DAB1: variants seen among roughly 807,000 people sequenced by gnomAD.
The protein encoded by DAB1 is disabled homolog 1.
In DAB1, 15 loss-of-function variants were observed where a neutral mutation model predicts 64.6. That is an observed-to-expected ratio of 0.23 (90% CI 0.16 to 0.36). The LOEUF is 0.36. DAB1 is among the 10% of genes least tolerant of loss of function. DAB1 has a pLI of 1.00. For synonymous variants in DAB1, 235 were observed against 251.9 expected (o/e 0.93, Z 0.64); for missense variants, 596 against 706.7 (o/e 0.84, Z 1.78).
At chr1:57,813,883 G>C (rs1557495277) in intron 6 of DAB1, among the ~76,000 whole-genome samples, 2 of 152,152 alleles carry the variant, frequency 1.3e-5, no homozygotes, top group Non-Finnish European at 2.9e-5. Flanking sequence ...CCACAACTTA[G>C]AAAAATGAAA....
chr1:58,218,329 T>G (rs1205074772), intron 4 of DAB1, among the ~76,000 whole-genome samples: 4 of 152,164 alleles, frequency 2.6e-5, no homozygotes, highest in Non-Finnish European at 2.9e-5. Flanking sequence ...GTAGGACACC[T>G]TGTGCTCTAA....
At chr1:58,102,199 C>T (rs567349215) in intron 5 of DAB1, among the ~76,000 whole-genome samples, 1 of 152,336 alleles carries the variant, frequency 6.6e-6, no homozygotes, top group South Asian at 2.1e-4. Flanking sequence ...GGCTCCAAGG[C>T]CCTCGCTTTT....
chr1:57,878,546 T>C (rs931062768), intron 1 of DAB1: 4 of 152,176 alleles, frequency 2.6e-5, no homozygotes, highest in Admixed American at 2.0e-4. Flanking sequence ...CTTTTTAAAA[T>C]TATTTTGGAT....
At chr1:58,317,368 G>A (rs1177454116) in intron 4 of DAB1, among the ~76,000 whole-genome samples, 2 of 152,230 alleles carry the variant, frequency 1.3e-5, no homozygotes, top group Admixed American at 6.5e-5. Flanking sequence ...ACTGCATTAT[G>A]TTACAAAACA....
chr1:57,133,108 G>T (rs1242799471), intron 4 of DAB1, among the ~76,000 whole-genome samples: 1 of 152,062 alleles, frequency 6.6e-6, no homozygotes, highest in African/African-American at 2.4e-5. Flanking sequence ...ACTTAGATTG[G>T]TGTGTCTAAT....
At chr1:57,852,164 C>T (rs1056267398) in intron 1 of DAB1, among the ~76,000 whole-genome samples, 1 of 152,134 alleles carries the variant, frequency 6.6e-6, no homozygotes, top group Non-Finnish European at 1.5e-5. Context: ...ATTCCCTAAC[C>T]TTTTCCCTTT....
chr1:57,035,743 G>A (rs1199038139), intron 9 of DAB1, among the ~76,000 whole-genome samples: 1 of 145,032 alleles, frequency 6.9e-6, no homozygotes, highest in African/African-American at 2.6e-5. Context: ...GCAAAGTCTT[G>A]TTTGGTGTTT....
chr1:57,055,637 G>A (rs1034113379), intron 9 of DAB1, among the ~76,000 whole-genome samples: 1 of 152,144 alleles, frequency 6.6e-6, no homozygotes, highest in Non-Finnish European at 1.5e-5. Context: ...TAAGACTCTG[G>A]AACGCTCTGT....
At chr1:57,290,389 C>T in intron 2 of DAB1, among the ~76,000 whole-genome samples, 1 of 152,146 alleles carries the variant, frequency 6.6e-6, no homozygotes, top group East Asian at 1.9e-4. Flanking sequence ...GGGTCCTACC[C>T]TAGATTTACT....
At chr1:57,003,336 G>A (rs985311206) in intron 14 of DAB1, among the ~76,000 whole-genome samples, 2 of 152,038 alleles carry the variant, frequency 1.3e-5, no homozygotes, top group South Asian at 4.1e-4. Flanking sequence ...GTTTATATAC[G>A]GTCTTTCCAA....
chr1:57,235,029 A>AT, intron 2 of DAB1, among the ~76,000 whole-genome samples: 1 of 152,344 alleles, frequency 6.6e-6, no homozygotes, highest in Non-Finnish European at 1.5e-5. Context: ...TAGTCTCCCT[A>AT]TTTTAAGGTA....
At chr1:57,082,927 A>C (rs528869906) in intron 4 of DAB1, among the ~76,000 whole-genome samples, 51 of 152,318 alleles carry the variant, frequency 3.3e-4, no homozygotes, top group Middle Eastern at 3.4e-3. Flanking sequence ...AGGCTGAATA[A>C]GTATGGAAAC....
chr1:57,434,572 A>T (rs1245071197), intron 7 of DAB1, among the ~76,000 whole-genome samples: 1 of 152,244 alleles, frequency 6.6e-6, no homozygotes. Context: ...AAGCAAATAC[A>T]GTTTTGTACC....
chr1:57,545,854 C>T (rs933398287), intron 7 of DAB1, among the ~76,000 whole-genome samples: 3 of 152,134 alleles, frequency 2.0e-5, no homozygotes. Flanking sequence ...ATACTTTGTA[C>T]TTTATGGATG....
intron 6 of DAB1, among the ~76,000 whole-genome samples, chr1:57,809,848 C>T (rs925216146): frequency 9.2e-5 from 14 of 152,272 alleles, no homozygotes; most frequent in African/African-American, 3.1e-4. Context: ...ACTAGAACAT[C>T]CGTGTTTCCT....
At chr1:58,075,928 T>TTC (rs78789912) in intron 5 of DAB1, among the ~76,000 whole-genome samples, 15 of 149,766 alleles carry the variant, frequency 1.0e-4, no homozygotes, top group African/African-American at 3.2e-4. Context: ...TTACAAGTCT[T>TTC]TCTCTCTCTC....
chr1:58,277,208 T>A (rs1661470743), intron 4 of DAB1, among the ~76,000 whole-genome samples: 1 of 151,698 alleles, frequency 6.6e-6, no homozygotes, highest in African/African-American at 2.4e-5. Context: ...CCCAGCTAAT[T>A]TTTGTATTTT....
chr1:57,733,682 C>G (rs1338567860), intron 6 of DAB1, among the ~76,000 whole-genome samples: 1 of 151,944 alleles, frequency 6.6e-6, no homozygotes, highest in African/African-American at 2.4e-5. Context: ...TCAGAGAGGT[C>G]GAGCGATTTG....
intron 3 of DAB1, among the ~76,000 whole-genome samples, chr1:58,386,987 G>A (rs572215445): frequency 3.3e-5 from 5 of 152,182 alleles, no homozygotes; most frequent in African/African-American, 1.2e-4. Context: ...TTGAATCCGG[G>A]AGGCAGAAGT....
Sources: gnomAD v4.1 joint callset for allele counts (sites outside exome capture counted in the v4.1 genomes callset) on GRCh38, gnomAD v4.1.1 for gene constraint, MANE v1.5 for transcripts, NCBI Gene and HGNC (gene_info 2026-07-23, HGNC 2026-07-21) for gene names.